ATF1: variants seen among roughly 807,000 people sequenced by gnomAD.
ATF1 encodes the protein activating transcription factor 1.
In ATF1, 16 loss-of-function variants were observed where a neutral mutation model predicts 34.7. The observed-to-expected ratio is 0.46, with a 90% CI of 0.31 to 0.70. The LOEUF (loss-of-function observed/expected upper bound fraction) is 0.70, where lower values mean the gene tolerates loss of function less well. Among genes scored for constraint, ATF1 ranks in the 30% least tolerant of loss-of-function variants. The pLI is 0.05. For missense variants in ATF1, 255 were observed against 321.6 expected, an observed-to-expected ratio of 0.79 and a Z score of 1.58; for synonymous variants, 105 against 113.1, an observed-to-expected ratio of 0.93 and a Z score of 0.46.
intron 4 of ATF1, among the ~76,000 whole-genome samples, chr12:50,812,781 C>T (rs1185402425): frequency 1.3e-5 from 2 of 152,158 alleles, no homozygotes; most frequent in South Asian, 2.1e-4. Context: ...ACCAGGACCA[C>T]ACCACTGCAC....
chr12:50,812,594 G>C (rs1279175552), intron 4 of ATF1, among the ~76,000 whole-genome samples: 2 of 152,190 alleles, frequency 1.3e-5, no homozygotes, highest in Non-Finnish European at 2.9e-5. Context: ...CACTTTGGGA[G>C]GCCAAAGTGG....
chr12:50,808,847 C>T (rs555520738), intron 3 of ATF1, among the ~76,000 whole-genome samples: 1 of 151,920 alleles, frequency 6.6e-6, no homozygotes, highest in South Asian at 2.1e-4. Flanking sequence ...TCAAGCGATC[C>T]TCCTGCCTCA....
In ATF1 at chr12:50,820,649, A is replaced by AAGAT. The variant is rs1341583303; in HGVS notation, c.*872_*875dup. 4.5e-5 allele frequency: 8 copies of AAGAT among 178,098 alleles called. No individual in the cohort carries two copies. The South Asian group carries it at 1.2e-3, about 27-fold the overall frequency. The allele number at this position is 178,098 out of a possible 1,614,324, so 11.0% of individuals were successfully genotyped here. On this transcript the variant is annotated 3_prime_UTR_variant, in exon 7 of 7. Transcript: ENST00000262053. ...AATATTATTTTTAAAAAACCTTCTG[A>AAGAT]AGATACATACCAAAGTTTTTCCAAG...
At chr12:50,788,798 T>G (rs567965810) in intron 2 of ATF1, among the ~76,000 whole-genome samples, 1 of 152,338 alleles carries the variant, frequency 6.6e-6, no homozygotes, top group Admixed American at 6.5e-5. Flanking sequence ...ATGCTGTGTC[T>G]TCTTGCATCA....
At chr12:50,797,218 A>G (rs749191384) in intron 3 of ATF1, among the ~76,000 whole-genome samples, 3 of 152,190 alleles carry the variant, frequency 2.0e-5, no homozygotes, top group Non-Finnish European at 4.4e-5. Flanking sequence ...AGAAAATGAT[A>G]ATGACTGCAA....
intron 3 of ATF1, among the ~76,000 whole-genome samples, chr12:50,801,061 C>T (rs1359427245): frequency 6.6e-6 from 1 of 152,208 alleles, no homozygotes; most frequent in African/African-American, 2.4e-5. Flanking sequence ...TGCCACTGCA[C>T]TCCAGCCTGG....
At position 50,781,380 on chromosome 12, in the gene ATF1, C is replaced by T. The variant is rs148789845; in HGVS notation, c.93+1142C>T. ...TTCAATCTGTGGTTGGTTGAATCCA[C>T]AGATGTGAAACTCATGGATGCAGAA... On this transcript the variant is annotated intron_variant, in intron 2 of 6. Coordinates refer to ENST00000262053, the MANE Select transcript of ATF1 (RefSeq NM_005171.5). Among the ~76,000 whole-genome samples the T allele has an allele frequency of 1.7e-3, 252 of 152,232 alleles. 2 individuals carry two copies. The highest frequency in any genetic ancestry group is 5.8e-3 in the African/African-American group (241 of 41,524).
In ATF1 at chr12:50,803,106, A is replaced by T. The variant is rs542704901; in HGVS notation, c.195-6350A>T. Among the ~76,000 whole-genome samples the T allele has an allele frequency of 1.3e-3, 193 of 151,564 alleles. 2 individuals are homozygous for T. The highest frequency in any genetic ancestry group is 5.2e-4 in the Non-Finnish European group (35 of 67,844). ...TGAAACCCCGTCTCTACTAAAAAAA[A>T]AAAATACAAAAAATTAGTCAGGCAT... On this transcript the variant is annotated intron_variant, in intron 3 of 6. Coordinates refer to ENST00000262053, the MANE Select transcript of ATF1 (RefSeq NM_005171.5).
chr12:50,819,628 T>C lies in ATF1; in HGVS notation c.672-7T>C. 1.2e-6 allele frequency: 2 copies of C among 1,610,660 alleles called. No homozygotes were observed. The highest frequency in any genetic ancestry group is 1.7e-6 in the Non-Finnish European group (2 of 1,179,206). On this transcript the variant is annotated splice_polypyrimidine_tract_variant and splice_region_variant and intron_variant, in intron 6 of 6. Coordinates refer to ENST00000262053, the MANE Select transcript of ATF1 (RefSeq NM_005171.5). ...TCTAACATTGTTTTTTTAATGCTCATATTTAGAGAAGCTGCTCGAGAATGT... is the reference window on the plus strand; with the variant it reads ...TCTAACATTGTTTTTTTAATGCTCACATTTAGAGAAGCTGCTCGAGAATGT...
At chr12:50,780,449 A>G (rs546059040) in intron 2 of ATF1, among the ~76,000 whole-genome samples, 8 of 151,670 alleles carry the variant, frequency 5.3e-5, no homozygotes, top group African/African-American at 9.7e-5. Context: ...GGTTCAAACA[A>G]TTCTCCTACC....
intron 4 of ATF1, among the ~76,000 whole-genome samples, chr12:50,811,630 GAA>G (rs11464441): frequency 2.7e-5 from 2 of 72,928 alleles, no homozygotes; most frequent in Non-Finnish European, 2.8e-5. Context: ...GAAAAATGAA[GAA>G]AAAAAAAAAA....
chr12:50,808,668 ACAT>A (rs994307313), intron 3 of ATF1, among the ~76,000 whole-genome samples: 4 of 151,996 alleles, frequency 2.6e-5, no homozygotes, highest in African/African-American at 9.7e-5. Flanking sequence ...AGCCTGGAGC[ACAT>A]CATTATAATA....
intron 2 of ATF1, among the ~76,000 whole-genome samples, chr12:50,790,838 A>G (rs561588988): frequency 6.6e-6 from 1 of 152,112 alleles, no homozygotes; most frequent in South Asian, 2.1e-4. Flanking sequence ...TGGTTACTAC[A>G]TTTACAGGCC....
At chr12:50,765,316 AG>A (rs1940605579) in intron 1 of ATF1, among the ~76,000 whole-genome samples, 1 of 152,166 alleles carries the variant, frequency 6.6e-6, no homozygotes, top group Admixed American at 6.5e-5. Context: ...TATCATATGC[AG>A]TTATCTCCGT....
chr12:50,795,659 T>C (rs1468831810), intron 2 of ATF1, among the ~76,000 whole-genome samples: 1 of 152,208 alleles, frequency 6.6e-6, no homozygotes, highest in East Asian at 1.9e-4. Context: ...ATAGTACTGC[T>C]TCATTTGGGG....
chr12:50,786,621 A>G (rs925913749), intron 2 of ATF1, among the ~76,000 whole-genome samples: 7 of 152,278 alleles, frequency 4.6e-5, no homozygotes, highest in African/African-American at 1.4e-4. Flanking sequence ...GAAAAAGGAA[A>G]TAAACCCAGT....
intron 3 of ATF1, among the ~76,000 whole-genome samples, chr12:50,798,735 A>G (rs1040030239): frequency 3.3e-5 from 5 of 152,232 alleles, no homozygotes; most frequent in South Asian, 4.1e-4. Flanking sequence ...AATTCACTCA[A>G]AAATCATCAA....
intron 1 of ATF1, among the ~76,000 whole-genome samples, chr12:50,778,635 G>A (rs1179050917): frequency 6.6e-6 from 1 of 150,848 alleles, no homozygotes; most frequent in Non-Finnish European, 1.5e-5. Context: ...TGTCACTCAG[G>A]CTGGAGTGCA....
chr12:50,800,535 G>A (rs556503065), intron 3 of ATF1, among the ~76,000 whole-genome samples: 2 of 152,306 alleles, frequency 1.3e-5, no homozygotes, highest in Non-Finnish European at 2.9e-5. Flanking sequence ...AGGCTGCACA[G>A]CAGGAGGTGA....
Sources: gnomAD v4.1 joint callset for allele counts (sites outside exome capture counted in the v4.1 genomes callset) on GRCh38, gnomAD v4.1.1 for gene constraint, MANE v1.5 for transcripts, NCBI Gene and HGNC (gene_info 2026-07-23, HGNC 2026-07-21) for gene names.